Variants in RFC1 observed in about 807,000 individuals in gnomAD.
RFC1 encodes A1 140 kDa subunit.
In RFC1, 37 loss-of-function variants were observed where a neutral mutation model predicts 137.4. That is an observed-to-expected ratio of 0.27 (90% CI 0.21 to 0.35). The LOEUF (loss-of-function observed/expected upper bound fraction) is 0.35. Among genes scored for constraint, RFC1 ranks in the 10% least tolerant of loss-of-function variants. RFC1 has a pLI of 1.00. For missense variants in RFC1, 1,205 were observed against 1,358.5 expected, an observed-to-expected ratio of 0.89 and a Z score of 1.78; for synonymous variants, 429 against 455.7, an observed-to-expected ratio of 0.94 and a Z score of 0.75.
intron 4 of RFC1, chr4:39,341,500 T>C: frequency 2.4e-6 from 1 of 412,744 alleles, no homozygotes; most frequent in Non-Finnish European, 4.8e-6. Flanking sequence ...TTGTCTTTGA[T>C]ATTTTGAACA....
At chr4:39,316,760 A>T (rs1251270581) in intron 10 of RFC1, 155 bp downstream of exon 10, 1 of 543,320 alleles carries the variant, frequency 1.8e-6, no homozygotes, top group Non-Finnish European at 3.3e-6. Flanking sequence ...TCATAACATG[A>T]ATAAACATCC....
At chr4:39,319,513 A>C (rs769277531) in intron 9 of RFC1, among the ~76,000 whole-genome samples, 13 of 152,250 alleles carry the variant, frequency 8.5e-5, no homozygotes, top group Non-Finnish European at 1.8e-4. Context: ...TCTGACACAC[A>C]ATAACAATAA....
chr4:39,288,586 A>C lies in RFC1; in HGVS notation c.*175T>G. On this transcript the variant is annotated 3_prime_UTR_variant, in exon 25 of 25. Coordinates refer to ENST00000349703, the MANE Select transcript of RFC1 (RefSeq NM_002913.5). Reference sequence around the variant, plus strand: ...CTATCAACCTCTATAAGAGGTGTACATAAGCCTACTGCTCATACCCTTCTA... The same window carrying C: ...CTATCAACCTCTATAAGAGGTGTACCTAAGCCTACTGCTCATACCCTTCTA... The C allele has an allele frequency of 1.7e-6, 1 of 593,168 alleles. No homozygotes were observed. Among genetic ancestry groups the C allele is most frequent in the Non-Finnish European group, 3.0e-6 (1 of 328,704 alleles). The allele number at this position is 593,168 out of a possible 1,614,324, so 36.7% of individuals were successfully genotyped here.
intron 18 of RFC1, 47 bp from the exon 19 acceptor site, chr4:39,302,423 T>C (rs1317274803): frequency 6.5e-7 from 1 of 1,528,066 alleles, no homozygotes; most frequent in Admixed American, 1.7e-5. Context: ...AAAATCCTGT[T>C]GCTCCCCATC....
chr4:39,342,263 T>C (rs1173467677), intron 4 of RFC1, 82 bp downstream of exon 4: 5 of 1,426,920 alleles, frequency 3.5e-6, no homozygotes, highest in South Asian at 2.8e-5. Context: ...CCATTCAAAG[T>C]GAAGGAGGTA....
intron 14 of RFC1, 42 bp from the exon 15 acceptor site, chr4:39,304,970 T>C: frequency 1.7e-6 from 2 of 1,147,656 alleles, no homozygotes; most frequent in Non-Finnish European, 2.6e-6. Flanking sequence ...CAATACAAAT[T>C]AACTCCACCA....
At chr4:39,340,929 C>G (rs6852802) in intron 4 of RFC1, among the ~76,000 whole-genome samples, 10,599 of 152,134 alleles carry the variant, frequency 0.07, 1,255 homozygotes, top group African/African-American at 0.24. Flanking sequence ...TATATGCTAC[C>G]AGCAAATGAC....
chr4:39,293,536 C>CTTTT, intron 22 of RFC1, among the ~76,000 whole-genome samples: 1 of 152,104 alleles, frequency 6.6e-6, no homozygotes, highest in Non-Finnish European at 1.5e-5. Context: ...AACGGACCTA[C>CTTTT]AAAAAGTTCA....
rs1256507655 is a variant in RFC1 at position 39,296,575 on chromosome 4, C to T, written c.2809-816G>A. Among the ~76,000 whole-genome samples, 159 of 151,100 alleles carry T rather than the reference C, an allele frequency of 1.1e-3. 2 individuals carry two copies. The South Asian group carries it at 0.033, about 32-fold the overall frequency. ...ATTTCATCCATGTCCCTACAAAGGA[C>T]ATGAACTCATCATTTTTGATGGCTG... On this transcript the variant is annotated intron_variant, in intron 21 of 24. Coordinates refer to ENST00000349703, the MANE Select transcript of RFC1 (RefSeq NM_002913.5).
chr4:39,302,935 C>CTATTTTA (rs1414434017), intron 16 of RFC1, 61 bp from the exon 17 acceptor site: 1 of 1,525,254 alleles, frequency 6.6e-7, no homozygotes, highest in Non-Finnish European at 9.0e-7. Context: ...ACCACACAAG[C>CTATTTTA]TATTTTAGGT....
intron 1 of RFC1, among the ~76,000 whole-genome samples, chr4:39,364,224 T>C (rs1741907470): frequency 6.6e-6 from 1 of 150,638 alleles, no homozygotes; most frequent in South Asian, 2.1e-4. Context: ...GAAACAAAGA[T>C]TGAGAACTAC....
At chr4:39,331,822 T>G (rs935740044) in intron 4 of RFC1, among the ~76,000 whole-genome samples, 1 of 152,188 alleles carries the variant, frequency 6.6e-6, no homozygotes, top group Non-Finnish European at 1.5e-5. Flanking sequence ...AATTTTTATC[T>G]CTGATTAGGG....
chr4:39,325,281 C>T (rs1285843240), intron 6 of RFC1, among the ~76,000 whole-genome samples: 1 of 152,218 alleles, frequency 6.6e-6, no homozygotes, highest in Non-Finnish European at 1.5e-5. Context: ...ACATCTCAAA[C>T]TTAACTTGTC....
At chr4:39,322,051 T>C (rs1314477918) in intron 7 of RFC1, among the ~76,000 whole-genome samples, 3 of 152,270 alleles carry the variant, frequency 2.0e-5, no homozygotes, top group Middle Eastern at 3.4e-3. Flanking sequence ...TTGACAATTA[T>C]ATTAACAGAA....
intron 10 of RFC1, among the ~76,000 whole-genome samples, chr4:39,313,953 T>C (rs1031088505): frequency 6.6e-6 from 1 of 152,214 alleles, no homozygotes; most frequent in East Asian, 1.9e-4. Flanking sequence ...TGTTGAGTTA[T>C]ATATTTTTGC....
At chr4:39,316,099 G>A (rs919890706) in intron 10 of RFC1, among the ~76,000 whole-genome samples, 4 of 151,944 alleles carry the variant, frequency 2.6e-5, no homozygotes, top group African/African-American at 7.3e-5. Flanking sequence ...GCATGGTGGC[G>A]CACGCCTGTA....
Position 39,351,469 on chromosome 4 carries a change from C to A in RFC1, c.11G>T (p.Arg4Leu). The part of the protein sequence containing the change: MDI[R>L]KFFGVIPSGK... ...ACTTGGTATTACTCCAAAGAATTTCCGAATGTCCTAAAAGCAAAAAACAGG... is the reference window on the plus strand; with the variant it reads ...ACTTGGTATTACTCCAAAGAATTTCAGAATGTCCTAAAAGCAAAAAACAGG... The change falls in exon 2 of 25, where the codon CGG becomes CTG. Residue 4 changes from arginine (R) to leucine (L), a missense_variant. Physicochemically the swap from Arg to Leu is moderately radical, Grantham distance 102 (BLOSUM62 -2). Transcript: ENST00000349703. 2 of 1,548,936 alleles carry A rather than the reference C, an allele frequency of 1.3e-6. No individual in the cohort carries two copies. The highest frequency in any genetic ancestry group is 1.2e-5 in the South Asian group (1 of 81,228).
intron 1 of RFC1, among the ~76,000 whole-genome samples, chr4:39,356,635 T>C (rs1741494448): frequency 6.6e-6 from 1 of 152,250 alleles, no homozygotes; most frequent in Non-Finnish European, 1.5e-5. Flanking sequence ...ATTTCTGAGC[T>C]AAGTTAATAA....
chr4:39,345,729 C>T (rs1417756524), intron 2 of RFC1, among the ~76,000 whole-genome samples: 3 of 151,930 alleles, frequency 2.0e-5, no homozygotes, highest in Non-Finnish European at 2.9e-5. Context: ...CCTTTTTTCT[C>T]GTTAGATTTG....
Sources: gnomAD v4.1 joint callset for allele counts (sites outside exome capture counted in the v4.1 genomes callset) on GRCh38, gnomAD v4.1.1 for gene constraint, MANE v1.5 for transcripts, NCBI Gene and HGNC (gene_info 2026-07-23, HGNC 2026-07-21) for gene names.